The following EML5 variants were observed in gnomAD, a reference collection of about 807,000 sequenced individuals.
EML5 encodes echinoderm microtubule-associated protein-like 5.
Under a neutral mutation model 250.0 loss-of-function variants are expected in EML5, and 120 were observed. The ratio of observed to expected loss-of-function variants is 0.48; its 90% CI spans 0.41 to 0.56. The LOEUF is 0.56. Ranked by LOEUF, EML5 falls within the 20% of genes least tolerant of loss-of-function variation. The pLI is 0.00. For missense variants in EML5, 2,006 were observed against 2,437.6 expected (o/e 0.82, Z 3.73); for synonymous variants, 771 against 806.5 (o/e 0.96, Z 0.75).
chr14:88,690,243 T>C (rs1485453739), intron 17 of EML5, among the ~76,000 whole-genome samples: 1 of 152,166 alleles, frequency 6.6e-6, no homozygotes, highest in African/African-American at 2.4e-5. Context: ...TACTTTTGCT[T>C]TACATGAGAT....
At chr14:88,688,220 T>G in intron 18 of EML5, 51 bp downstream of exon 18, 1 of 1,592,782 alleles carries the variant, frequency 6.3e-7, no homozygotes, top group Non-Finnish European at 8.6e-7. Context: ...TAAAATGCTC[T>G]ACACTCCAGG....
chr14:88,790,720 T>C (rs904724695), intron 1 of EML5, among the ~76,000 whole-genome samples: 7 of 152,188 alleles, frequency 4.6e-5, no homozygotes, highest in Non-Finnish European at 1.0e-4. Flanking sequence ...CTACTATGCC[T>C]GGTACTTTGG....
At chr14:88,616,686 TAGG>T in intron 42 of EML5, 37 bp downstream of exon 42, 1 of 1,564,052 alleles carries the variant, frequency 6.4e-7, no homozygotes. Flanking sequence ...ACATCAAAAT[TAGG>T]AGTAAACTGA....
At position 88,616,167 on chromosome 14, in the gene EML5, C is replaced by T. The variant is rs376455326; in HGVS notation, c.5872G>A (p.Val1958Ile). 3 of 1,613,812 alleles carry T rather than the reference C, an allele frequency of 1.9e-6. No homozygotes were observed. The highest frequency in any genetic ancestry group is 2.7e-5 in the African/African-American group (2 of 74,922). ...IRFTSGDRHV[V>I]SAGGDDCSLF... The stretch of plus-strand genomic sequence containing the variant: ...CTGCAGTCATCACCTCCAGCACTAA[C>T]AACATGTCGATCACCACTGGTAAAT... The change falls in exon 43 of 44, where the codon GTT (valine) becomes ATT (isoleucine). Residue 1958 changes from valine to isoleucine, a missense_variant. Transcript: ENST00000554922.
chr14:88,682,587 CT>C (rs1426886430), intron 20 of EML5, among the ~76,000 whole-genome samples: 1 of 152,150 alleles, frequency 6.6e-6, no homozygotes, highest in African/African-American at 2.4e-5. Context: ...AACTCCGAGA[CT>C]GATGCAACCA....
At chr14:88,768,018 T>C (rs1233074126) in intron 1 of EML5, among the ~76,000 whole-genome samples, 1 of 152,230 alleles carries the variant, frequency 6.6e-6, no homozygotes, top group Non-Finnish European at 1.5e-5. Context: ...TTTCCTTTCC[T>C]TTCATAACCT....
chr14:88,679,887 T>C (rs933346455), intron 21 of EML5, among the ~76,000 whole-genome samples: 2 of 152,184 alleles, frequency 1.3e-5, no homozygotes, highest in Non-Finnish European at 2.9e-5. Flanking sequence ...GTGTATAGTA[T>C]AGTGTAGCGT....
At chr14:88,691,933 A>G (rs2092968239) in intron 17 of EML5, among the ~76,000 whole-genome samples, 1 of 152,226 alleles carries the variant, frequency 6.6e-6, no homozygotes, top group South Asian at 2.1e-4. Flanking sequence ...AAGTATTTTC[A>G]CTGCAAGAAT....
chr14:88,721,897 C>T (rs994213669), intron 8 of EML5, among the ~76,000 whole-genome samples: 7 of 151,964 alleles, frequency 4.6e-5, no homozygotes, highest in African/African-American at 1.7e-4. Context: ...CCAGAGTCAA[C>T]AAGGAACTTA....
In EML5 at chr14:88,706,409, A is replaced by C; in HGVS notation, c.1675T>G (p.Tyr559Asp). The C allele has an allele frequency of 6.4e-7, 1 of 1,567,598 alleles. No individual in the cohort carries two copies. Among genetic ancestry groups the C allele is most frequent in the Non-Finnish European group, 8.6e-7 (1 of 1,160,198 alleles). ...CLRKGAKFRK[Y>D]IGHSAHVTNV... The stretch of plus-strand genomic sequence containing the variant: ...GTTACGTGAGCTGAATGGCCAATAT[A>C]TTTTCTAAACTTGGCCCCTATAATA... The change falls in exon 11 of 44, where the codon TAT becomes GAT. Residue 559 changes from tyrosine to aspartate, a missense_variant. Physicochemically the swap from Tyr to Asp is radical, Grantham distance 160. Around this residue, in one of 7 missense-constraint regions of EML5, gnomAD observed 1,375 missense variants for 1,590.3 expected, o/e 0.86. Transcript: ENST00000554922.
chr14:88,640,746 T>C (rs2091016497), intron 31 of EML5, among the ~76,000 whole-genome samples: 1 of 151,672 alleles, frequency 6.6e-6, no homozygotes, highest in African/African-American at 2.4e-5. Context: ...CAAACATCTA[T>C]ACAAAGAATC....
At chr14:88,724,790 C>T (rs563471624) in intron 8 of EML5, among the ~76,000 whole-genome samples, 2 of 151,982 alleles carry the variant, frequency 1.3e-5, no homozygotes, top group South Asian at 4.1e-4. Context: ...TATTTCTAAC[C>T]TGCAAAACTG....
chr14:88,652,879 T>A lies in EML5; in HGVS notation c.4005-2953A>T, dbSNP rs1176086596. ...CTTTATTAAAAAGTGATCTCTAAAT[T>A]ACTTTGGGCAGTATGGCCATTTTCA... On this transcript the variant is annotated intron_variant, in intron 27 of 43. Transcript: ENST00000554922. Among the ~76,000 whole-genome samples the A allele has an allele frequency of 2.6e-5, 4 of 152,314 alleles. No individual in the cohort carries two copies. In the East Asian group the frequency reaches 7.7e-4, roughly 29 times the overall value.
At chr14:88,638,535 A>G (rs2090867733) in intron 32 of EML5, among the ~76,000 whole-genome samples, 1 of 152,198 alleles carries the variant, frequency 6.6e-6, no homozygotes, top group Admixed American at 6.5e-5. Context: ...GCTGACCAGA[A>G]ATTCCTGCTA....
intron 36 of EML5, 95 bp from the exon 37 acceptor site, chr14:88,622,813 T>TC: frequency 1.3e-6 from 1 of 772,668 alleles, no homozygotes; most frequent in Non-Finnish European, 1.9e-6. Flanking sequence ...ATCTTTTTTT[T>TC]TTAAAAAGGC....
At chr14:88,783,248 C>T (rs1184479794) in intron 1 of EML5, among the ~76,000 whole-genome samples, 2 of 152,222 alleles carry the variant, frequency 1.3e-5, no homozygotes, top group African/African-American at 2.4e-5. Flanking sequence ...GGATCCCCTA[C>T]ACAGCTTCAC....
intron 8 of EML5, among the ~76,000 whole-genome samples, chr14:88,720,153 A>G (rs544166167): frequency 6.6e-6 from 1 of 152,320 alleles, no homozygotes; most frequent in East Asian, 1.9e-4. Flanking sequence ...TAAATAGCCT[A>G]CCAACCAAAA....
In EML5 at chr14:88,627,181, T is replaced by A; in HGVS notation, c.4532-135A>T. On this transcript the variant is annotated intron_variant, in intron 34 of 43. Transcript: ENST00000554922. The stretch of plus-strand genomic sequence containing the variant: ...GGCCAATGGCCCCTGCTCTACTACC[T>A]AGCAATACATGATTTACAATTATTT... The A allele has an allele frequency of 9.4e-6, 7 of 741,744 alleles. No homozygotes were observed. In the South Asian group the frequency reaches 1.2e-4, roughly 13 times the overall value. The allele number at this position is 741,744 out of a possible 1,614,324, so 45.9% of individuals were successfully genotyped here. A position where few individuals can be genotyped will look rare whatever the true frequency, so the allele number is the denominator to read the frequency against.
At position 88,688,425 on chromosome 14, in the gene EML5, T is replaced by C. The variant is rs1860663039; in HGVS notation, c.2588A>G (p.Asn863Ser). ...ATACACTGCACACATCATTGTGTCATTTTTCCCCAGTGTGCCTATGTAGCC... is the reference window on the plus strand; with the variant it reads ...ATACACTGCACACATCATTGTGTCACTTTTCCCCAGTGTGCCTATGTAGCC... ...RKGYIGTLGK[N>S]DTMMCAVYGW... The change falls in exon 18 of 44, where the codon AAT becomes AGT. Residue 863 changes from asparagine to serine, a missense_variant. By Grantham distance (46) the Asn-to-Ser change is conservative. This residue lies in a region of EML5 where 1,375 missense variants were observed against 1,590.3 expected (regional missense o/e 0.86). Transcript: ENST00000554922. The C allele has an allele frequency of 6.2e-7, 1 of 1,613,744 alleles. No individual in the cohort carries two copies. The highest frequency in any genetic ancestry group is 8.5e-7 in the Non-Finnish European group (1 of 1,179,840).
Sources: gnomAD v4.1 joint callset for allele counts (sites outside exome capture counted in the v4.1 genomes callset) on GRCh38, gnomAD v4.1.1 for gene constraint, gnomAD v4.1.1 regional missense constraint, MANE v1.5 for transcripts, NCBI Gene and HGNC (gene_info 2026-07-23, HGNC 2026-07-21) for gene names.